CDH18: variants seen among roughly 807,000 people sequenced by gnomAD.
The protein encoded by CDH18 is cadherin 18.
CDH18 carries 31 observed loss-of-function variants against 67.9 expected under a neutral mutation model. That is an observed-to-expected ratio of 0.46 (90% CI 0.34 to 0.62). CDH18 has a LOEUF of 0.62. Ranked by LOEUF, CDH18 falls within the 20% of genes least tolerant of loss-of-function variation. CDH18 has a pLI of 0.01. For missense variants in CDH18, 890 were observed against 975.5 expected, an observed-to-expected ratio of 0.91 and a Z score of 1.17; for synonymous variants, 362 against 347.2, an observed-to-expected ratio of 1.04 and a Z score of -0.48.
chr5:20,548,383 G>A (rs1466206454), intron 1 of CDH18, among the ~76,000 whole-genome samples: 1 of 151,178 alleles, frequency 6.6e-6, no homozygotes, highest in Non-Finnish European at 1.5e-5. Context: ...TATGTCCCTG[G>A]ATACTTATTC....
At chr5:20,483,135 G>GA (rs1309489148) in intron 1 of CDH18, among the ~76,000 whole-genome samples, 3 of 151,776 alleles carry the variant, frequency 2.0e-5, no homozygotes, top group African/African-American at 7.3e-5. Context: ...TGAACAATCT[G>GA]AAAAAGAAAT....
At chr5:20,359,056 C>A (rs551066086) in intron 1 of CDH18, among the ~76,000 whole-genome samples, 3,078 of 151,792 alleles carry the variant, frequency 0.02, 75 homozygotes, top group African/African-American at 0.052. Flanking sequence ...CTCAGCCTCC[C>A]AAGTAGCTGG....
At chr5:20,513,757 C>T (rs1755191309) in intron 1 of CDH18, among the ~76,000 whole-genome samples, 1 of 140,930 alleles carries the variant, frequency 7.1e-6, no homozygotes, top group South Asian at 2.3e-4. Flanking sequence ...TATTTTTCCC[C>T]TTTATATATT....
At chr5:20,561,480 A>G (rs369317291) in intron 1 of CDH18, among the ~76,000 whole-genome samples, 1 of 152,080 alleles carries the variant, frequency 6.6e-6, no homozygotes, top group South Asian at 2.1e-4. Context: ...AATTCATCTT[A>G]CTAAGTGAAA....
At chr5:19,950,302 A>T (rs901934604) in intron 2 of CDH18, among the ~76,000 whole-genome samples, 1 of 152,112 alleles carries the variant, frequency 6.6e-6, no homozygotes, top group Admixed American at 6.6e-5. Context: ...GTTCGCACTT[A>T]TAAGTGGGAG....
rs567256986 is a variant in CDH18, at chr5:19,592,199, CAGAT to C, written c.812-959_812-956del. 3.4e-3 allele frequency among the ~76,000 whole-genome samples: 512 copies of C among 151,910 alleles called. 3 individuals are homozygous for C. The highest frequency in any genetic ancestry group is 5.3e-3 in the Non-Finnish European group (362 of 67,816). On this transcript the variant is annotated intron_variant, in intron 6 of 12. Coordinates refer to ENST00000382275, the MANE Select transcript of CDH18 (RefSeq NM_004934.5). Reference sequence around the variant, plus strand: ...CTCATTAGACAGATGGATAGATAGACAGATAGATAGATTAGATAGATAGCTAACA... The same window carrying C: ...CTCATTAGACAGATGGATAGATAGACAGATAGATTAGATAGATAGCTAACA...
intron 7 of CDH18, among the ~76,000 whole-genome samples, chr5:19,586,588 T>C (rs1245428998): frequency 6.6e-6 from 1 of 152,222 alleles, no homozygotes; most frequent in Non-Finnish European, 1.5e-5. Flanking sequence ...TGCACCACAT[T>C]ATCTTTACCT....
intron 1 of CDH18, among the ~76,000 whole-genome samples, chr5:20,512,091 C>G (rs28392548): frequency 6.6e-6 from 1 of 151,778 alleles, no homozygotes; most frequent in Admixed American, 6.6e-5. Flanking sequence ...GGTGTGCTGG[C>G]AGGCGCATGT....
intron 5 of CDH18, among the ~76,000 whole-genome samples, chr5:19,687,883 C>T (rs2150409634): frequency 6.6e-6 from 1 of 152,298 alleles, no homozygotes; most frequent in South Asian, 2.1e-4. Context: ...CCAACCCTAC[C>T]TGCCACAGCT....
intron 2 of CDH18, among the ~76,000 whole-genome samples, chr5:20,093,491 AGAGT>A (rs1745624274): frequency 2.6e-5 from 4 of 152,094 alleles, no homozygotes; most frequent in Admixed American, 2.6e-4. Context: ...GCATTGTGTT[AGAGT>A]ATTTGTGTTA....
intron 1 of CDH18, among the ~76,000 whole-genome samples, chr5:20,325,658 G>GAA (rs1045844668): frequency 1.4e-5 from 2 of 144,450 alleles, no homozygotes; most frequent in Non-Finnish European, 3.0e-5. Context: ...TCTGTCTTTA[G>GAA]AAAAAAAAAA....
intron 1 of CDH18, among the ~76,000 whole-genome samples, chr5:20,549,328 T>G (rs934328828): frequency 6.6e-6 from 1 of 152,146 alleles, no homozygotes; most frequent in Admixed American, 6.6e-5. Context: ...ATACAAACAC[T>G]TCTTAATAGG....
chr5:20,400,540 C>G (rs955790813), intron 1 of CDH18, among the ~76,000 whole-genome samples: 3 of 150,786 alleles, frequency 2.0e-5, no homozygotes, highest in Non-Finnish European at 4.4e-5. Flanking sequence ...GCAGGTGGAT[C>G]ACTTGAGGCC....
At chr5:19,889,425 A>T (rs191096594) in intron 2 of CDH18, among the ~76,000 whole-genome samples, 2 of 152,204 alleles carry the variant, frequency 1.3e-5, no homozygotes, top group Non-Finnish European at 2.9e-5. Context: ...AGTTCAGCCT[A>T]GCTATTTTTT....
At chr5:20,412,164 G>T (rs1001034970) in intron 1 of CDH18, among the ~76,000 whole-genome samples, 9 of 152,098 alleles carry the variant, frequency 5.9e-5, no homozygotes, top group African/African-American at 2.2e-4. Context: ...AAAACAACAT[G>T]GGACCAGTAC....
chr5:19,687,759 C>T (rs529625245), intron 5 of CDH18, among the ~76,000 whole-genome samples: 10 of 152,162 alleles, frequency 6.6e-5, no homozygotes, highest in Non-Finnish European at 1.0e-4. Context: ...TTGTGGCTTC[C>T]GCCACAGAAA....
At chr5:20,102,539 C>T (rs1462559418) in intron 2 of CDH18, among the ~76,000 whole-genome samples, 1 of 152,166 alleles carries the variant, frequency 6.6e-6, no homozygotes, top group African/African-American at 2.4e-5. Flanking sequence ...GAGTTAGAAC[C>T]TGTGTCAGAC....
intron 1 of CDH18, among the ~76,000 whole-genome samples, chr5:20,417,654 A>C (rs1560981273): frequency 6.6e-6 from 1 of 152,188 alleles, no homozygotes; most frequent in Non-Finnish European, 1.5e-5. Flanking sequence ...TGGCTGAAAA[A>C]ATTGAAGACA....
chr5:20,533,581 T>C (rs1266536957), intron 1 of CDH18, among the ~76,000 whole-genome samples: 1 of 152,134 alleles, frequency 6.6e-6, no homozygotes, highest in Non-Finnish European at 1.5e-5. Flanking sequence ...TGTTACTTCA[T>C]TGAAGCAAAG....
Sources: gnomAD v4.1 joint callset for allele counts (sites outside exome capture counted in the v4.1 genomes callset) on GRCh38, gnomAD v4.1.1 for gene constraint, MANE v1.5 for transcripts, NCBI Gene and HGNC (gene_info 2026-07-23, HGNC 2026-07-21) for gene names.